Variants in ADCY2 observed in about 807,000 individuals in gnomAD.
ADCY2 encodes the protein adenylate cyclase 2, also known as adenylate cyclase type 2.
In ADCY2, 31 loss-of-function variants were observed where a neutral mutation model predicts 125.2. That is an observed-to-expected ratio of 0.25 (90% CI 0.19 to 0.33). ADCY2 has a LOEUF of 0.33. Among genes scored for constraint, ADCY2 ranks in the 10% least tolerant of loss-of-function variants. The pLI is 1.00. For missense variants in ADCY2, 904 were observed against 1,418.2 expected (o/e 0.64, Z 5.82); for synonymous variants, 512 against 548.4 (o/e 0.93, Z 0.93).
intron 1 of ADCY2, among the ~76,000 whole-genome samples, chr5:7,401,913 C>G (rs1325345816): frequency 1.3e-5 from 2 of 152,200 alleles, no homozygotes; most frequent in Non-Finnish European, 2.9e-5. Context: ...TATATGGGTT[C>G]TTCCTGCCAC....
chr5:7,609,521 G>A (rs954915115), intron 3 of ADCY2, among the ~76,000 whole-genome samples: 2 of 152,108 alleles, frequency 1.3e-5, no homozygotes, highest in African/African-American at 4.8e-5. Context: ...GTGTATGTGG[G>A]ATTTTATTTA....
At chr5:7,720,543 C>A (rs1024660894) in intron 12 of ADCY2, among the ~76,000 whole-genome samples, 4 of 151,936 alleles carry the variant, frequency 2.6e-5, no homozygotes, top group Admixed American at 6.6e-5. Flanking sequence ...GCTATCCTCC[C>A]CTCTCCCCCC....
At chr5:7,448,549 G>T (rs1001055389) in intron 2 of ADCY2, among the ~76,000 whole-genome samples, 1 of 151,874 alleles carries the variant, frequency 6.6e-6, no homozygotes, top group Non-Finnish European at 1.5e-5. Context: ...GTGAGCGTGT[G>T]CCATGGCAGT....
rs75473015 is a variant in ADCY2 at position 7,501,318 on chromosome 5, C to T, written c.409-19420C>T. Among the ~76,000 whole-genome samples the T allele has an allele frequency of 4.9e-3, 739 of 152,058 alleles. 4 individuals carry two copies. The highest frequency in any genetic ancestry group is 0.017 in the African/African-American group (712 of 41,482). On this transcript the variant is annotated intron_variant, in intron 2 of 24. Coordinates refer to ENST00000338316, the MANE Select transcript of ADCY2 (RefSeq NM_020546.3). ...TAAGCACACATGCACAGCATGAACT[C>T]GATGGAAACACTTAAGCATGCAGAA...
intron 20 of ADCY2, among the ~76,000 whole-genome samples, chr5:7,793,395 G>T (rs755155724): frequency 7.2e-5 from 11 of 152,164 alleles, no homozygotes; most frequent in Non-Finnish European, 1.3e-4. Flanking sequence ...AAATTGCAGC[G>T]AGCCGAGATC....
chr5:7,579,694 T>G (rs2126610546), intron 3 of ADCY2, among the ~76,000 whole-genome samples: 1 of 152,308 alleles, frequency 6.6e-6, no homozygotes, highest in South Asian at 2.1e-4. Flanking sequence ...TTCATAATGC[T>G]TAGTCTACAA....
In ADCY2 at chr5:7,811,581, AT is replaced by A. The variant is rs564565888; in HGVS notation, c.2884-5283del. On this transcript the variant is annotated intron_variant, in intron 22 of 24. Transcript: ENST00000338316. Reference sequence around the variant, plus strand: ...TTTAAAACAATTATTTTATCCAAATATTATCTAAAATAAATATATAATTTTA... The same window carrying A: ...TTTAAAACAATTATTTTATCCAAATATATCTAAAATAAATATATAATTTTA... 3.3e-3 allele frequency among the ~76,000 whole-genome samples: 503 copies of A among 152,170 alleles called. 5 individuals are homozygous for A. The highest frequency in any genetic ancestry group is 0.012 in the African/African-American group (484 of 41,496).
chr5:7,523,338 A>G (rs1744531669), intron 3 of ADCY2, among the ~76,000 whole-genome samples: 1 of 151,126 alleles, frequency 6.6e-6, no homozygotes, highest in African/African-American at 2.4e-5. Flanking sequence ...AAAAAGTGGG[A>G]AAGATGGAAT....
intron 3 of ADCY2, 36 bp from the exon 4 acceptor site, chr5:7,626,131 A>G: frequency 6.3e-7 from 1 of 1,593,540 alleles, no homozygotes; most frequent in Non-Finnish European, 8.5e-7. Context: ...AGTGAGAAAC[A>G]GTTACCCTAT....
chr5:7,784,924 A>G (rs1744037337), intron 19 of ADCY2, among the ~76,000 whole-genome samples: 3 of 152,208 alleles, frequency 2.0e-5, no homozygotes, highest in Admixed American at 6.5e-5. Flanking sequence ...TTATTTTGCA[A>G]TGCAAATGAA....
At chr5:7,818,359 T>C (rs1049927541) in intron 23 of ADCY2, among the ~76,000 whole-genome samples, 22 of 149,792 alleles carry the variant, frequency 1.5e-4, no homozygotes, top group African/African-American at 4.2e-4. Context: ...TTTTCTTTTT[T>C]TTTTTTTTCT....
chr5:7,422,428 T>C (rs1027323101), intron 2 of ADCY2, among the ~76,000 whole-genome samples: 1 of 152,198 alleles, frequency 6.6e-6, no homozygotes, highest in African/African-American at 2.4e-5. Context: ...TGGTTTTTTT[T>C]CAGGCAGGTT....
intron 3 of ADCY2, among the ~76,000 whole-genome samples, chr5:7,589,997 G>A (rs1579605941): frequency 6.6e-6 from 1 of 152,260 alleles, no homozygotes; most frequent in East Asian, 1.9e-4. Context: ...TTAGCCACAG[G>A]TGGCTCACAA....
chr5:7,779,193 A>G (rs1356509303), intron 18 of ADCY2, among the ~76,000 whole-genome samples: 2 of 152,288 alleles, frequency 1.3e-5, no homozygotes, highest in African/African-American at 2.4e-5. Context: ...AGGGTCTAAC[A>G]AGCTTCTTTT....
intron 3 of ADCY2, among the ~76,000 whole-genome samples, chr5:7,571,835 T>C: frequency 6.6e-6 from 1 of 152,166 alleles, no homozygotes; most frequent in East Asian, 1.9e-4. Context: ...TTCCCCTCTG[T>C]ATATCCATGT....
At chr5:7,745,923 G>A (rs1312590866) in intron 15 of ADCY2, among the ~76,000 whole-genome samples, 1 of 152,162 alleles carries the variant, frequency 6.6e-6, no homozygotes, top group Non-Finnish European at 1.5e-5. Context: ...AAATATCTCA[G>A]GAACAACTCT....
chr5:7,818,059 T>C (rs1197570333), intron 23 of ADCY2, among the ~76,000 whole-genome samples: 2 of 152,190 alleles, frequency 1.3e-5, no homozygotes, highest in Non-Finnish European at 2.9e-5. Context: ...AAGAGCTTCT[T>C]TGACCATTTT....
chr5:7,826,400 C>G (rs1038360920), intron 24 of ADCY2, among the ~76,000 whole-genome samples: 39 of 152,132 alleles, frequency 2.6e-4, no homozygotes, highest in African/African-American at 8.2e-4. Flanking sequence ...AGCCTGGATC[C>G]AGGCTCAATT....
intron 2 of ADCY2, among the ~76,000 whole-genome samples, chr5:7,434,398 G>T (rs1307580256): frequency 6.6e-6 from 1 of 152,210 alleles, no homozygotes; most frequent in Non-Finnish European, 1.5e-5. Context: ...AACATATGGG[G>T]CATAGTTTAA....
Sources: allele counts gnomAD v4.1 joint callset (sites outside exome capture counted in the v4.1 genomes callset), GRCh38; gene constraint gnomAD v4.1.1; transcripts MANE v1.5; gene names NCBI Gene and HGNC (gene_info 2026-07-23, HGNC 2026-07-21).